The following ADGB variants were observed in gnomAD, a reference collection of about 807,000 sequenced individuals.
The protein encoded by ADGB is androglobin, also known as calpain-7-like protein.
A neutral mutation model predicts 210.5 loss-of-function variants in ADGB; 172 were observed. The ratio of observed to expected loss-of-function variants is 0.82; its 90% CI spans 0.72 to 0.93. The LOEUF (loss-of-function observed/expected upper bound fraction) is 0.93, where lower values mean the gene tolerates loss of function less well. Ranked by LOEUF, ADGB falls within the 40% of genes least tolerant of loss-of-function variation. ADGB has a pLI of 0.00. For missense variants in ADGB, 2,025 were observed against 1,964.8 expected, an observed-to-expected ratio of 1.03 and a Z score of -0.58; for synonymous variants, 658 against 662.7, an observed-to-expected ratio of 0.99 and a Z score of 0.11.
intron 13 of ADGB, among the ~76,000 whole-genome samples, chr6:146,705,926 A>G (rs1776563680): frequency 6.6e-6 from 1 of 151,890 alleles, no homozygotes; most frequent in Admixed American, 6.6e-5. Flanking sequence ...CTTTGATAGG[A>G]GACTTTTTAT....
rs563854452 is a variant in ADGB, at chr6:146,655,957, T to TA, written c.403-813dup. The stretch of plus-strand genomic sequence containing the variant: ...GAGATGAATAATTCAGAAAATCAGA[T>TA]ACTACTGAGGTAACAATGGCTTCAT... On this transcript the variant is annotated intron_variant, in intron 4 of 35. Transcript: ENST00000397944. Among the ~76,000 whole-genome samples the TA allele has an allele frequency of 7.6e-4, 115 of 152,284 alleles. 3 individuals are homozygous for TA. The East Asian group carries it at 0.021, about 28-fold the overall frequency.
intron 35 of ADGB, among the ~76,000 whole-genome samples, chr6:146,806,168 T>C (rs1207091878): frequency 6.6e-6 from 1 of 152,220 alleles, no homozygotes; most frequent in Admixed American, 6.5e-5. Context: ...AATAACCAAA[T>C]AAATGCAGCA....
chr6:146,645,025 A>G (rs956684277), intron 3 of ADGB, among the ~76,000 whole-genome samples, 160 bp downstream of exon 3: 1 of 152,028 alleles, frequency 6.6e-6, no homozygotes, highest in Non-Finnish European at 1.5e-5. Flanking sequence ...CTAAATGTTT[A>G]TTAATATAGT....
chr6:146,616,094 A>G (rs551722488), intron 1 of ADGB, among the ~76,000 whole-genome samples: 2 of 151,958 alleles, frequency 1.3e-5, no homozygotes, highest in Admixed American at 1.3e-4. Context: ...TGTCTTTTTG[A>G]TAACAGTCAT....
rs563176031 is a variant in ADGB at position 146,616,096 on chromosome 6, AAC to A, written c.74+16984_74+16985del. Among the ~76,000 whole-genome samples, 61 of 152,240 alleles carry A rather than the reference AAC, an allele frequency of 4.0e-4. No individual in the cohort carries two copies. The South Asian group carries it at 9.3e-3, about 23-fold the overall frequency. ...ATTTGTTATTTTTTGTCTTTTTGAT[AAC>A]AGTCATTTTTAACTGAGGGTGTAAT... On this transcript the variant is annotated intron_variant, in intron 1 of 35. Coordinates refer to ENST00000397944, the MANE Select transcript of ADGB (RefSeq NM_024694.4).
At chr6:146,735,193 T>G (rs1777060848) in intron 22 of ADGB, among the ~76,000 whole-genome samples, 1 of 152,192 alleles carries the variant, frequency 6.6e-6, no homozygotes, top group African/African-American at 2.4e-5. Flanking sequence ...ACAAAACATA[T>G]GCATTCGTCA....
intron 35 of ADGB, among the ~76,000 whole-genome samples, chr6:146,809,736 G>T (rs1268863026): frequency 4.6e-5 from 7 of 152,272 alleles, no homozygotes; most frequent in African/African-American, 1.7e-4. Context: ...TTTCAAAAAT[G>T]ATGTTGGGAA....
At chr6:146,794,405 G>GA (rs897406251) in intron 33 of ADGB, among the ~76,000 whole-genome samples, 1 of 149,672 alleles carries the variant, frequency 6.7e-6, no homozygotes, top group Admixed American at 6.6e-5. Context: ...TCCCATTGGA[G>GA]AAAAAACCTT....
intron 31 of ADGB, among the ~76,000 whole-genome samples, chr6:146,785,241 A>C (rs1777857453): frequency 6.6e-6 from 1 of 152,022 alleles, no homozygotes; most frequent in African/African-American, 2.4e-5. Flanking sequence ...AGAGTCTCTG[A>C]CCTATTTCCT....
intron 3 of ADGB, among the ~76,000 whole-genome samples, chr6:146,647,116 A>AAC (rs1775629439): frequency 6.9e-6 from 1 of 143,906 alleles, no homozygotes; most frequent in South Asian, 2.1e-4. Flanking sequence ...AAAAAACAAA[A>AAC]AACAAACAAA....
chr6:146,623,709 T>A (rs11756393), intron 1 of ADGB, among the ~76,000 whole-genome samples: 93 of 152,088 alleles, frequency 6.1e-4, no homozygotes, highest in Middle Eastern at 6.8e-3. Flanking sequence ...CTAAGTATGA[T>A]GTCAGTTCCA....
At chr6:146,784,566 C>T (rs1283684493) in intron 30 of ADGB, 52 bp from the exon 31 acceptor site, 1 of 1,367,932 alleles carries the variant, frequency 7.3e-7, no homozygotes, top group East Asian at 2.6e-5. Flanking sequence ...AAAATCTAGA[C>T]CCTTTTGAAA....
At chr6:146,673,032 A>G (rs116239939) in intron 8 of ADGB, among the ~76,000 whole-genome samples, 3,978 of 152,206 alleles carry the variant, frequency 0.026, 144 homozygotes, top group African/African-American at 0.082. Context: ...CATCCAGCCC[A>G]GTTTTTCTTA....
At chr6:146,674,337 A>G (rs1334526253) in intron 8 of ADGB, among the ~76,000 whole-genome samples, 1 of 152,130 alleles carries the variant, frequency 6.6e-6, no homozygotes, top group Non-Finnish European at 1.5e-5. Flanking sequence ...ATATTTGTGA[A>G]TCTAGTGAAG....
At chr6:146,765,217 A>C (rs1192851430) in intron 28 of ADGB, among the ~76,000 whole-genome samples, 1 of 152,194 alleles carries the variant, frequency 6.6e-6, no homozygotes, top group Non-Finnish European at 1.5e-5. Context: ...ATAAATAAAA[A>C]GCAATAACTA....
chr6:146,610,033 C>T (rs1780684446), intron 1 of ADGB, among the ~76,000 whole-genome samples: 1 of 152,082 alleles, frequency 6.6e-6, no homozygotes, highest in Non-Finnish European at 1.5e-5. Context: ...TCTGAATTTC[C>T]TGAATTTGAA....
Position 146,635,547 on chromosome 6 carries a change from T to C in ADGB, c.237+10T>C, listed in dbSNP as rs532206336. 20 of 1,500,496 alleles carry C rather than the reference T, an allele frequency of 1.3e-5. No individual in the cohort carries two copies. The South Asian group carries it at 2.1e-4, about 16-fold the overall frequency. 92.9% of individuals were successfully genotyped at this position (1,500,496 alleles called of 1,614,324 possible). ...AAAAAGCCCTGTATTTGTAAGTAGA[T>C]GTAAATGTGACTAGGTTTCATTTTG... On this transcript the variant is annotated intron_variant, in intron 2 of 35. Transcript: ENST00000397944.
intron 33 of ADGB, among the ~76,000 whole-genome samples, chr6:146,796,266 C>T (rs1266334516): frequency 3.3e-5 from 5 of 152,164 alleles, no homozygotes; most frequent in African/African-American, 9.7e-5. Flanking sequence ...AATGACCATA[C>T]TGCCAAAAGC....
rs1196306192 is a variant in ADGB, at chr6:146,763,909, C to A, written c.3559C>A (p.His1187Asn). 1.3e-6 allele frequency: 2 copies of A among 1,550,308 alleles called. No individual in the cohort carries two copies. The highest frequency in any genetic ancestry group is 2.4e-5 in the South Asian group (2 of 83,954). Residue 1187 changes from histidine to asparagine, a missense_variant, in exon 28 of 36, where the codon CAC (histidine) becomes AAC (asparagine). Physicochemically the swap from His to Asn is moderately conservative, Grantham distance 68. Transcript: ENST00000397944. ...GTATTTCTCCTATTCAGCTAGCAAG[C>A]ACATTCTTTCATTTCACTCTGCATC... Reference protein sequence around the residue: ...EKGLSSQSSKHILSFHSASKK... With the variant: ...EKGLSSQSSKNILSFHSASKK...
Sources: allele counts gnomAD v4.1 joint callset (sites outside exome capture counted in the v4.1 genomes callset), GRCh38; gene constraint gnomAD v4.1.1; transcripts MANE v1.5; gene names NCBI Gene and HGNC (gene_info 2026-07-23, HGNC 2026-07-21).